PCDHGB5: variants seen among roughly 807,000 people sequenced by gnomAD.
PCDHGB5 encodes protocadherin gamma subfamily B, 5.
Under a neutral mutation model 62.9 loss-of-function variants are expected in PCDHGB5, and 48 were observed. The observed-to-expected ratio is 0.76, with a 90% CI of 0.61 to 0.97. The LOEUF (loss-of-function observed/expected upper bound fraction) is 0.97. PCDHGB5 is among the 50% of genes least tolerant of loss of function. The pLI is 0.00. For synonymous variants in PCDHGB5, 474 were observed against 511.2 expected (o/e 0.93, Z 0.98); for missense variants, 1,118 against 1,198.6 (o/e 0.93, Z 0.99).
Position 141,487,931 on chromosome 5 carries a change from G to A in PCDHGB5, c.2398-6876G>A. The stretch of plus-strand genomic sequence containing the variant: ...AGCACAGGAGGCTACAGTGCACAGG[G>A]TACAGTGCACCAGGCAGTCACTTGG... On this transcript the variant is annotated intron_variant, in intron 1 of 3. Transcript: ENST00000617380. The surrounding 1 kb of genome is among the most constrained non-coding windows in gnomAD (Gnocchi z 5.0). The A allele has an allele frequency of 1.6e-6, 1 of 612,954 alleles. No homozygotes were observed. The highest frequency in any genetic ancestry group is 2.8e-6 in the Non-Finnish European group (1 of 351,318). 38.0% of individuals were successfully genotyped at this position (612,954 alleles called of 1,614,324 possible). A position where few individuals can be genotyped will look rare whatever the true frequency, so the allele number is the denominator to read the frequency against.
intron 1 of PCDHGB5, chr5:141,419,330 C>T: frequency 1.2e-6 from 2 of 1,613,956 alleles, no homozygotes; most frequent in South Asian, 1.1e-5. Flanking sequence ...CTCCTACTCT[C>T]TCATTGCCAG....
In PCDHGB5 at chr5:141,414,656, C is replaced by A. The variant is rs1409573217; in HGVS notation, c.2397+14132C>A. The A allele has an allele frequency of 1.2e-5, 20 of 1,614,008 alleles. No individual in the cohort carries two copies. Among genetic ancestry groups the A allele is most frequent in the Non-Finnish European group, 1.7e-5 (20 of 1,179,888 alleles). On this transcript the variant is annotated intron_variant, in intron 1 of 3. Transcript: ENST00000617380. ...AAAGAGAATGCCCAGATTATTTACTCCCTGGCTGAAGACACCATCCAGGGG... is the reference window on the plus strand; with the variant it reads ...AAAGAGAATGCCCAGATTATTTACTACCTGGCTGAAGACACCATCCAGGGG...
At position 141,433,110 on chromosome 5, in the gene PCDHGB5, G is replaced by A. The variant is rs1031253372; in HGVS notation, c.2397+32586G>A. On this transcript the variant is annotated intron_variant, in intron 1 of 3. Coordinates refer to ENST00000617380, the MANE Select transcript of PCDHGB5 (RefSeq NM_018925.3). Reference sequence around the variant, plus strand: ...GCAGACATGCTCGTCAGCCAGGAGAGCTTTGAAAAAAGCGAGCCCCTTTTG... The same window carrying A: ...GCAGACATGCTCGTCAGCCAGGAGAACTTTGAAAAAAGCGAGCCCCTTTTG... 3.1e-6 allele frequency: 5 copies of A among 1,613,982 alleles called. No homozygotes were observed. The African/African-American group carries it at 5.3e-5, about 17-fold the overall frequency.
At chr5:141,420,370 T>A in intron 1 of PCDHGB5, 1 of 1,352,032 alleles carries the variant, frequency 7.4e-7, no homozygotes, top group South Asian at 1.8e-5. Flanking sequence ...GATAACTTCT[T>A]CATAGAGTTC....
intron 1 of PCDHGB5, chr5:141,478,393 G>A (rs2099452978): frequency 6.2e-7 from 1 of 1,613,488 alleles, no homozygotes; most frequent in South Asian, 1.1e-5. Flanking sequence ...TTTACCATCA[G>A]GTGTATCTCA....
rs200576950 is a variant in PCDHGB5 at position 141,477,475 on chromosome 5, C to T, written c.2398-17332C>T. The T allele has an allele frequency of 1.2e-6, 2 of 1,614,124 alleles. No individual in the cohort carries two copies. Among genetic ancestry groups the T allele is most frequent in the African/African-American group, 2.7e-5 (2 of 75,010 alleles). ...TTCAAGTGTCCGACATCAATGACAACCCTCCACAATCTTCTCAATCTTCCT... is the reference window on the plus strand; with the variant it reads ...TTCAAGTGTCCGACATCAATGACAATCCTCCACAATCTTCTCAATCTTCCT... On this transcript the variant is annotated intron_variant, in intron 1 of 3. Transcript: ENST00000617380. The surrounding 1 kb of genome is among the most constrained non-coding windows in gnomAD (Gnocchi z 4.9).
intron 1 of PCDHGB5, among the ~76,000 whole-genome samples, chr5:141,434,616 T>C (rs911085192): frequency 1.3e-5 from 2 of 152,204 alleles, no homozygotes; most frequent in East Asian, 1.9e-4. Context: ...TCCGCCCATC[T>C]CTTCGTTTCC....
chr5:141,410,712 T>C (rs776042818), intron 1 of PCDHGB5: 2 of 1,437,800 alleles, frequency 1.4e-6, no homozygotes, highest in Non-Finnish European at 1.9e-6. Context: ...TCTAGAATCA[T>C]ATGTTTAAAA....
intron 1 of PCDHGB5, among the ~76,000 whole-genome samples, chr5:141,401,463 C>G (rs2094158062): frequency 6.6e-6 from 1 of 152,214 alleles, no homozygotes; most frequent in Admixed American, 6.5e-5. Flanking sequence ...AAATAATTTT[C>G]TAAGTTTATC....
chr5:141,404,167 G>C, intron 1 of PCDHGB5: 1 of 1,612,946 alleles, frequency 6.2e-7, no homozygotes, highest in South Asian at 1.1e-5. Context: ...ACAGATTGTT[G>C]ACGGCCCAAA....
intron 1 of PCDHGB5, chr5:141,420,076 T>C (rs764381539): frequency 3.3e-5 from 53 of 1,613,956 alleles, no homozygotes; most frequent in Non-Finnish European, 4.5e-5. Context: ...GACCTGTGGG[T>C]CCCCCCAACT....
At chr5:141,502,035 G>C (rs1371892057) in intron 2 of PCDHGB5, among the ~76,000 whole-genome samples, 1 of 152,078 alleles carries the variant, frequency 6.6e-6, no homozygotes, top group Non-Finnish European at 1.5e-5. Context: ...CCCGCCGCTT[G>C]CCTGCTCTCC....
chr5:141,426,848 C>T (rs1379697529), intron 1 of PCDHGB5: 3 of 456,552 alleles, frequency 6.6e-6, no homozygotes, highest in Admixed American at 4.7e-5. Context: ...AAGGCAAGAA[C>T]GCTCCAGAAT....
In PCDHGB5 at chr5:141,398,125, G is replaced by C. The variant is rs1353004584; in HGVS notation, c.-3G>C. ...GGTGAGCAAGCTGAGGAGAGCAAGA[G>C]GGATGGGGAGCGGCGCCGGGGAGCT... On this transcript the variant is annotated 5_prime_UTR_variant, in exon 1 of 4. Coordinates refer to ENST00000617380, the MANE Select transcript of PCDHGB5 (RefSeq NM_018925.3). 1 of 1,586,808 alleles carries C rather than the reference G, an allele frequency of 6.3e-7. No homozygotes were observed.
chr5:141,415,690 G>C (rs1218128531), intron 1 of PCDHGB5: 4 of 1,512,972 alleles, frequency 2.6e-6, no homozygotes, highest in Non-Finnish European at 3.6e-6. Context: ...CATGATGGTG[G>C]AAAGTGTAAA....
chr5:141,485,500 C>T lies in PCDHGB5; in HGVS notation c.2398-9307C>T. 1 of 1,614,142 alleles carries T rather than the reference C, an allele frequency of 6.2e-7. No homozygotes were observed. The highest frequency in any genetic ancestry group is 8.5e-7 in the Non-Finnish European group (1 of 1,180,038). ...GCTGCATCGTGCCCCTGGAGTTTGT[C>T]ACCGAAGGTCCTTTGGAAATGTACC... On this transcript the variant is annotated intron_variant, in intron 1 of 3. Coordinates refer to ENST00000617380, the MANE Select transcript of PCDHGB5 (RefSeq NM_018925.3). The surrounding 1 kb of genome is among the most constrained non-coding windows in gnomAD (Gnocchi z 5.7).
chr5:141,403,929 G>A (rs1203236737), intron 1 of PCDHGB5: 5 of 1,613,854 alleles, frequency 3.1e-6, no homozygotes, highest in Non-Finnish European at 4.2e-6. Context: ...GATGGTGGGG[G>A]ATTGAAAGGG....
At chr5:141,427,187 C>T (rs1318380362) in intron 1 of PCDHGB5, 1 of 456,574 alleles carries the variant, frequency 2.2e-6, no homozygotes, top group Middle Eastern at 3.3e-4. Flanking sequence ...AAATTAAATC[C>T]AAAGACTTAA....
At chr5:141,500,619 G>A (rs1230172485) in intron 2 of PCDHGB5, among the ~76,000 whole-genome samples, 1 of 152,072 alleles carries the variant, frequency 6.6e-6, no homozygotes, top group East Asian at 1.9e-4. Context: ...CCAGTCATAC[G>A]GTACATTTCC....
Sources: allele counts gnomAD v4.1 joint callset (sites outside exome capture counted in the v4.1 genomes callset), GRCh38; gene constraint gnomAD v4.1.1; non-coding constraint Gnocchi (gnomAD v3.1); transcripts MANE v1.5; gene names NCBI Gene and HGNC (gene_info 2026-07-23, HGNC 2026-07-21).